DMD: variants seen among roughly 807,000 people sequenced by gnomAD.
The protein encoded by DMD is dystrophin.
In DMD, 63 loss-of-function variants were observed where a neutral mutation model predicts 330.1. The observed-to-expected ratio is 0.19, with a 90% confidence interval of 0.16 to 0.24. The LOEUF (loss-of-function observed/expected upper bound fraction) is 0.24, where lower values mean the gene tolerates loss of function less well. DMD is among the 10% of genes least tolerant of loss of function. The pLI, the probability that DMD is intolerant of heterozygous loss-of-function variation, is 1.00. For synonymous variants in DMD, 1,223 were observed against 959.8 expected, an observed-to-expected ratio of 1.27 and a Z score of -5.07; for missense variants, 3,344 against 2,684.1, an observed-to-expected ratio of 1.25 and a Z score of -5.43.
At chrX:31,404,204 C>T (rs973338550) in intron 60 of DMD, among the ~76,000 whole-genome samples, 3 of 110,743 alleles carry the variant, frequency 2.7e-5, no homozygotes, top group African/African-American at 9.9e-5. Flanking sequence ...AACACCAATG[C>T]GATATAAAAA....
At chrX:32,960,860 C>T (rs2091857554) in intron 2 of DMD, among the ~76,000 whole-genome samples, 1 of 103,487 alleles carries the variant, frequency 9.7e-6, no homozygotes, top group South Asian at 4.4e-4. Flanking sequence ...ACCGTGCACG[C>T]CAACATCAAT....
chrX:32,594,872 AG>A lies in DMD; in HGVS notation c.1602+884del, dbSNP rs1322638128. Among the ~76,000 whole-genome samples, 7 of 111,917 alleles carry A rather than the reference AG, an allele frequency of 6.3e-5. No homozygotes were observed. The East Asian group carries it at 2.0e-3, about 32-fold the overall frequency. On this transcript the variant is annotated intron_variant, in intron 13 of 78. Coordinates refer to ENST00000357033, the MANE Select transcript of DMD (RefSeq NM_004006.3). ...ACAATTCCAGCCAATAGTTAAATAA[AG>A]TATAGAACTCAAGCATGGATTCTTT... is the stretch of plus-strand genomic sequence containing the variant.
intron 60 of DMD, among the ~76,000 whole-genome samples, chrX:31,355,652 G>GC (rs1261248964): frequency 9.0e-6 from 1 of 111,405 alleles, no homozygotes; most frequent in African/African-American, 3.3e-5. Flanking sequence ...GTTTCTGTGT[G>GC]CATGTGTCTG....
intron 6 of DMD, 72 bp downstream of exon 6, chrX:32,816,396 G>C (rs1327922439): frequency 1.8e-6 from 2 of 1,122,541 alleles, no homozygotes; most frequent in Non-Finnish European, 2.4e-6. Flanking sequence ...GAACCATACT[G>C]GGGAAAAATA....
chrX:33,094,707 C>T (rs1379320412), intron 1 of DMD, among the ~76,000 whole-genome samples: 1 of 107,529 alleles, frequency 9.3e-6, no homozygotes, highest in African/African-American at 3.4e-5. Context: ...ACTCGGGAGG[C>T]TGAGGAGGGA....
At chrX:32,976,480 C>A (rs181798664) in intron 2 of DMD, among the ~76,000 whole-genome samples, 15 of 111,699 alleles carry the variant, frequency 1.3e-4, no homozygotes, top group African/African-American at 4.9e-4. Context: ...CTCAATTTTA[C>A]ATATAAATAC....
intron 44 of DMD, among the ~76,000 whole-genome samples, chrX:32,123,822 T>A (rs930462388): frequency 1.8e-5 from 2 of 112,341 alleles, no homozygotes; most frequent in African/African-American, 3.2e-5. Context: ...GGAAATAGAC[T>A]GTACACTTTA....
intron 4 of DMD, among the ~76,000 whole-genome samples, chrX:32,838,390 T>TC (rs1377462368): frequency 1.8e-5 from 2 of 110,669 alleles, no homozygotes; most frequent in Non-Finnish European, 3.8e-5. Flanking sequence ...ATTCTATCCC[T>TC]CCCCTAGCCC....
intron 12 of DMD, among the ~76,000 whole-genome samples, chrX:32,596,625 A>G (rs1394547832): frequency 9.1e-6 from 1 of 110,119 alleles, no homozygotes; most frequent in East Asian, 2.9e-4. Flanking sequence ...GGCTCACTGC[A>G]AACTCCACCT....
intron 4 of DMD, among the ~76,000 whole-genome samples, chrX:32,830,596 T>C (rs1036987773): frequency 8.1e-5 from 9 of 111,388 alleles, no homozygotes; most frequent in African/African-American, 2.9e-4. Context: ...GATACCAAAA[T>C]AGGTGTGAAA....
chrX:31,457,828 T>C (rs1221658452), intron 59 of DMD, among the ~76,000 whole-genome samples: 3 of 111,802 alleles, frequency 2.7e-5, no homozygotes, highest in Non-Finnish European at 3.8e-5. Context: ...TCATTCAATA[T>C]ATTATTAACT....
chrX:32,642,519 A>T (rs1359212504), intron 11 of DMD, among the ~76,000 whole-genome samples: 1 of 112,169 alleles, frequency 8.9e-6, no homozygotes, highest in Non-Finnish European at 1.9e-5. Context: ...TTACACGCAC[A>T]GAAGTCTAGG....
At chrX:32,203,221 T>C (rs1488257637) in intron 44 of DMD, among the ~76,000 whole-genome samples, 1 of 112,467 alleles carries the variant, frequency 8.9e-6, no homozygotes, top group Non-Finnish European at 1.9e-5. Context: ...AATTTAAAAC[T>C]ATTATGCTAT....
At chrX:31,840,024 A>G (rs2093283303) in intron 48 of DMD, among the ~76,000 whole-genome samples, 1 of 110,242 alleles carries the variant, frequency 9.1e-6, no homozygotes, top group South Asian at 3.8e-4. Flanking sequence ...CCTTTCAAAC[A>G]CTCCCACTTC....
intron 74 of DMD, among the ~76,000 whole-genome samples, chrX:31,148,982 G>A (rs748183997): frequency 9.0e-6 from 1 of 111,619 alleles, no homozygotes; most frequent in South Asian, 3.7e-4. Context: ...TTTGCTTATG[G>A]CATCCTATGG....
chrX:32,348,599 A>G (rs1366149870), intron 37 of DMD, 71 bp from the exon 38 acceptor site: 1 of 969,544 alleles, frequency 1.0e-6, no homozygotes, highest in Non-Finnish European at 1.4e-6. Flanking sequence ...AAAGAAATAC[A>G]TTTATTCAAC....
chrX:31,340,228 G>A (rs2057652506), intron 61 of DMD, among the ~76,000 whole-genome samples: 2 of 112,297 alleles, frequency 1.8e-5, no homozygotes, highest in South Asian at 7.4e-4. Flanking sequence ...AGAAATAATG[G>A]ATCAGTTATT....
At chrX:32,673,366 G>T (rs1008559809) in intron 9 of DMD, among the ~76,000 whole-genome samples, 1 of 111,014 alleles carries the variant, frequency 9.0e-6, no homozygotes, top group South Asian at 3.7e-4. Context: ...CAAAAATGTT[G>T]CCACCTACTG....
chrX:32,305,911 A>G (rs331319), intron 42 of DMD, among the ~76,000 whole-genome samples: 2,137 of 110,244 alleles, frequency 0.019, 25 homozygotes, highest in Non-Finnish European at 0.025. Flanking sequence ...CACAGACTCC[A>G]TGGCTGACTC....
Sources: allele counts gnomAD v4.1 joint callset (sites outside exome capture counted in the v4.1 genomes callset), GRCh38; gene constraint gnomAD v4.1.1; transcripts MANE v1.5; gene names NCBI Gene and HGNC (gene_info 2026-07-23, HGNC 2026-07-21).